ZCCHC7: variants seen among roughly 807,000 people sequenced by gnomAD.
The protein encoded by ZCCHC7 is zinc finger CCHC domain-containing protein 7.
ZCCHC7 carries 35 observed loss-of-function variants against 52.0 expected under a neutral mutation model. That is an observed-to-expected ratio of 0.67 (90% CI 0.51 to 0.89). ZCCHC7 has a LOEUF of 0.89. Ranked by LOEUF, ZCCHC7 falls within the 40% of genes least tolerant of loss-of-function variation. ZCCHC7 has a pLI of 0.00. For synonymous variants in ZCCHC7, 217 were observed against 221.5 expected (o/e 0.98, Z 0.18); for missense variants, 574 against 649.1 (o/e 0.88, Z 1.26).
At chr9:37,273,079 T>G (rs1249743647) in intron 2 of ZCCHC7, among the ~76,000 whole-genome samples, 1 of 152,234 alleles carries the variant, frequency 6.6e-6, no homozygotes, top group Non-Finnish European at 1.5e-5. Context: ...AATAAAACTT[T>G]TAAACAGTTA....
intron 2 of ZCCHC7, among the ~76,000 whole-genome samples, chr9:37,227,997 A>G (rs900019798): frequency 6.6e-6 from 1 of 152,096 alleles, no homozygotes; most frequent in Non-Finnish European, 1.5e-5. Context: ...GGGTTTTGCC[A>G]TGTTAGCCAA....
intron 2 of ZCCHC7, chr9:37,186,982 A>G (rs188360459): frequency 6.5e-5 from 17 of 260,146 alleles, no homozygotes; most frequent in Admixed American, 6.0e-4. Context: ...TAAAATAAGT[A>G]AAAACAATGG....
At chr9:37,232,509 G>A (rs1001256731) in intron 2 of ZCCHC7, among the ~76,000 whole-genome samples, 5 of 152,190 alleles carry the variant, frequency 3.3e-5, no homozygotes, top group Non-Finnish European at 7.3e-5. Flanking sequence ...CCTTGGTGAA[G>A]AACAGGAGTC....
At chr9:37,328,650 A>G (rs547258174) in intron 6 of ZCCHC7, among the ~76,000 whole-genome samples, 2 of 151,956 alleles carry the variant, frequency 1.3e-5, no homozygotes, top group East Asian at 1.9e-4. Context: ...AAGGTTTAGC[A>G]TAGTTAAAAG....
At chr9:37,223,915 A>G (rs1824959042) in intron 2 of ZCCHC7, among the ~76,000 whole-genome samples, 1 of 152,126 alleles carries the variant, frequency 6.6e-6, no homozygotes, top group African/African-American at 2.4e-5. Context: ...TTTCATTTAA[A>G]AAAATTTATG....
chr9:37,312,158 T>C (rs1358042570), intron 5 of ZCCHC7, among the ~76,000 whole-genome samples: 1 of 152,242 alleles, frequency 6.6e-6, no homozygotes, highest in Non-Finnish European at 1.5e-5. Context: ...TGAAACATAT[T>C]ATTGTGCTGA....
chr9:37,128,989 A>G (rs1842655690), intron 2 of ZCCHC7, among the ~76,000 whole-genome samples: 1 of 152,220 alleles, frequency 6.6e-6, no homozygotes, highest in Non-Finnish European at 1.5e-5. Context: ...TGGTCATCAA[A>G]TTGTCATCTC....
chr9:37,274,331 CTTTTTTTTTTTT>C lies in ZCCHC7; in HGVS notation c.611-27842_611-27831del, dbSNP rs10653910. ...TTATGAAAATTACCATATCTAATTT[CTTTTTTTTTTTT>C]TTTTTTTTTTTTTTGAGATGGAGTC... On this transcript the variant is annotated intron_variant, in intron 2 of 8. Coordinates refer to ENST00000336755, the MANE Select transcript of ZCCHC7 (RefSeq NM_032226.3). 7.8e-5 allele frequency among the ~76,000 whole-genome samples: 6 copies of C among 76,668 alleles called. No homozygotes were observed. The South Asian group carries it at 1.7e-3, about 21-fold the overall frequency. The allele number at this position is 76,668 out of a possible 152,430, so 50.3% of individuals were successfully genotyped here.
intron 2 of ZCCHC7, among the ~76,000 whole-genome samples, chr9:37,206,367 C>T (rs898326885): frequency 2.0e-5 from 3 of 151,238 alleles, no homozygotes; most frequent in Non-Finnish European, 2.9e-5. Context: ...TCACCTTTCC[C>T]GCTTCGTTTT....
intron 2 of ZCCHC7, among the ~76,000 whole-genome samples, chr9:37,258,033 G>A (rs1826672691): frequency 6.6e-6 from 1 of 152,174 alleles, no homozygotes. Context: ...TAGTTCATAA[G>A]TATAAAAGCC....
intron 2 of ZCCHC7, among the ~76,000 whole-genome samples, chr9:37,290,521 T>C (rs1828484140): frequency 6.6e-6 from 1 of 152,008 alleles, no homozygotes; most frequent in Non-Finnish European, 1.5e-5. Flanking sequence ...CCAAGTGTGG[T>C]GGCATGTCGC....
At chr9:37,203,581 G>C (rs1355772591) in intron 2 of ZCCHC7, among the ~76,000 whole-genome samples, 1 of 152,156 alleles carries the variant, frequency 6.6e-6, no homozygotes, top group Non-Finnish European at 1.5e-5. Context: ...TCCTGTGTTA[G>C]TTTACTGAGG....
Position 37,354,682 on chromosome 9 carries a change from ACAT to A in ZCCHC7, c.1084-24_1084-22del, listed in dbSNP as rs1244439772. 1.1e-5 allele frequency: 17 copies of A among 1,523,846 alleles called. No individual in the cohort carries two copies. Among genetic ancestry groups the A allele is most frequent in the Non-Finnish European group, 1.5e-5 (16 of 1,102,226 alleles). The allele number at this position is 1,523,846 out of a possible 1,614,324, so 94.4% of individuals were successfully genotyped here. The stretch of plus-strand genomic sequence containing the variant: ...GGTTTTTGAACAGTGTGACCATGTG[ACAT>A]CATAATTTTACATACAATTTATAGG... On this transcript the variant is annotated intron_variant, in intron 7 of 8. Transcript: ENST00000336755. This position sits in a 1 kb window ranked among gnomAD's most constrained non-coding sequence, Gnocchi z 4.0.
chr9:37,143,710 G>T (rs779337864), intron 2 of ZCCHC7, among the ~76,000 whole-genome samples: 1 of 151,468 alleles, frequency 6.6e-6, no homozygotes, highest in Non-Finnish European at 1.5e-5. Context: ...ACAAAATTTT[G>T]TTATGATAAA....
In ZCCHC7 at chr9:37,210,106, C is replaced by G. The variant is rs114156054; in HGVS notation, c.610+83164C>G. Among the ~76,000 whole-genome samples the G allele has an allele frequency of 6.2e-3, 940 of 152,052 alleles. 4 individuals carry two copies. Among genetic ancestry groups the G allele is most frequent in the African/African-American group, 0.021 (879 of 41,470 alleles). On this transcript the variant is annotated intron_variant, in intron 2 of 8. Coordinates refer to ENST00000336755, the MANE Select transcript of ZCCHC7 (RefSeq NM_032226.3). ...CTCTGGTTTATTGTCATAGCCAGTC[C>G]TTTCCTGCCAGCTTGATTGTCTTCC...
intron 2 of ZCCHC7, among the ~76,000 whole-genome samples, chr9:37,282,872 C>CTTT (rs58619243): frequency 2.6e-5 from 2 of 78,130 alleles, no homozygotes; most frequent in Non-Finnish European, 4.9e-5. Flanking sequence ...AGACCTGAAT[C>CTTT]TTTTTTTTTT....
chr9:37,264,840 T>C (rs1225935319), intron 2 of ZCCHC7, among the ~76,000 whole-genome samples: 1 of 152,146 alleles, frequency 6.6e-6, no homozygotes, highest in Non-Finnish European at 1.5e-5. Context: ...ATCAGAGAAG[T>C]AAAAATTTCC....
At chr9:37,351,476 T>C (rs1044569440) in intron 7 of ZCCHC7, among the ~76,000 whole-genome samples, 9 of 152,110 alleles carry the variant, frequency 5.9e-5, no homozygotes, top group African/African-American at 1.9e-4. Flanking sequence ...CAGCTAATTT[T>C]GTTTATTTTT....
chr9:37,213,645 T>C (rs1026769872), intron 2 of ZCCHC7, among the ~76,000 whole-genome samples: 11 of 152,176 alleles, frequency 7.2e-5, no homozygotes, highest in African/African-American at 2.4e-4. Context: ...AGGCAGATGG[T>C]ATAAGAATAG....
Sources: gnomAD v4.1 joint callset for allele counts (sites outside exome capture counted in the v4.1 genomes callset) on GRCh38, gnomAD v4.1.1 for gene constraint, Gnocchi (gnomAD v3.1) non-coding constraint, MANE v1.5 for transcripts, NCBI Gene and HGNC (gene_info 2026-07-23, HGNC 2026-07-21) for gene names.